KRT27: variants seen among roughly 807,000 people sequenced by gnomAD.
KRT27 encodes the protein keratin 27.
A neutral mutation model predicts 45.3 loss-of-function variants in KRT27; 30 were observed. That is an observed-to-expected ratio of 0.66 (90% CI 0.50 to 0.90). KRT27 has a LOEUF of 0.90. KRT27 is among the 40% of genes least tolerant of loss of function. The pLI, the probability that KRT27 is intolerant of heterozygous loss-of-function variation, is 0.00. For missense variants in KRT27, 610 were observed against 564.3 expected (o/e 1.08, Z -0.82); for synonymous variants, 204 against 223.9 (o/e 0.91, Z 0.79).
At chr17:40,782,012 C>G in intron 1 of KRT27, 38 bp downstream of exon 1, 1 of 1,561,128 alleles carries the variant, frequency 6.4e-7, no homozygotes, top group South Asian at 1.2e-5. Context: ...GCTAAACACT[C>G]TCAGGAGTGC....
In KRT27 at chr17:40,779,504, T is replaced by C. The variant is rs753929201; in HGVS notation, c.970A>G (p.Thr324Ala). The C allele has an allele frequency of 1.1e-5, 17 of 1,606,686 alleles. No homozygotes were observed. Among genetic ancestry groups the C allele is most frequent in the Non-Finnish European group, 5.1e-6 (6 of 1,176,350 alleles). The change falls in exon 5 of 8, where the codon ACG becomes GCG. Residue 324 changes from threonine to alanine, a missense_variant and splice_region_variant. By Grantham distance (58) the Thr-to-Ala change is moderately conservative. Coordinates refer to ENST00000301656, the MANE Select transcript of KRT27 (RefSeq NM_181537.4). ...LEIELQSLLATKHSLECSLTE... is the reference protein window; with the variant it reads ...LEIELQSLLAAKHSLECSLTE... ...CTGTTTTGTAACTTTTCGCTTACCG[T>C]TGCTAAGAGGGACTGAAGTTCAATC...
chr17:40,778,281 G>C (rs762362368), intron 5 of KRT27, among the ~76,000 whole-genome samples: 1 of 152,228 alleles, frequency 6.6e-6, no homozygotes, highest in Non-Finnish European at 1.5e-5. Flanking sequence ...TGGGTTTACA[G>C]ATATACTCAG....
In KRT27 at chr17:40,782,245, A is replaced by G. The variant is rs1212181185; in HGVS notation, c.249T>C (p.Asn83=). ...TGAGGTTCTGCATGGTCACCTTCTC[A>G]TTGCCAGAGAGGAGGCCGTGCTCAT... ...TGNEHGLLSG[N]EKVTMQNLND... is the part of the protein sequence containing the mutation. Residue 83 remains asparagine, a synonymous_variant, in exon 1 of 8, where the codon AAT becomes AAC. Coordinates refer to ENST00000301656, the MANE Select transcript of KRT27 (RefSeq NM_181537.4). 1 of 1,614,188 alleles carries G rather than the reference A, an allele frequency of 6.2e-7. No homozygotes were observed.
At position 40,776,833 on chromosome 17, in the gene KRT27, T is replaced by C; in HGVS notation, c.*166A>G. ...TGACTTGCAACAGGAAGAACTTTTA[T>C]TGAAACACCACCATAGAGAAAAAGC... On this transcript the variant is annotated 3_prime_UTR_variant, in exon 8 of 8. Transcript: ENST00000301656. 3.6e-6 allele frequency: 2 copies of C among 549,846 alleles called. No homozygotes were observed. The highest frequency in any genetic ancestry group is 4.2e-5 in the South Asian group (1 of 23,786). The allele number at this position is 549,846 out of a possible 1,614,324, so 34.1% of individuals were successfully genotyped here.
At chr17:40,777,843 T>C in intron 5 of KRT27, 111 bp from the exon 6 acceptor site, 1 of 1,086,250 alleles carries the variant, frequency 9.2e-7, no homozygotes, top group Non-Finnish European at 1.3e-6. Flanking sequence ...CAAATAATTA[T>C]ATTTACCCAA....
chr17:40,781,113 A>C, intron 2 of KRT27, 75 bp downstream of exon 2: 1 of 881,852 alleles, frequency 1.1e-6, no homozygotes, highest in East Asian at 2.6e-5. Context: ...AGACAACGTC[A>C]AATAACTTAG....
At chr17:40,777,200 C>T (rs2038273417) in intron 7 of KRT27, 53 bp downstream of exon 7, 1 of 1,609,246 alleles carries the variant, frequency 6.2e-7, no homozygotes, top group East Asian at 2.2e-5. Flanking sequence ...AATAAAACAT[C>T]ATTTGAAACA....
In KRT27 at chr17:40,782,373, T is replaced by G; in HGVS notation, c.121A>C (p.Ile41Leu). ...GAGNTCGVPG[I>L]GSGFSCAFGG... is the part of the protein sequence containing the mutation. ...AAAGCACAAGAGAAGCCACTTCCAA[T>G]GCCTGGCACACCGCATGTGTTTCCA... is the stretch of plus-strand genomic sequence containing the variant. The change falls in exon 1 of 8, where the codon ATT becomes CTT. Residue 41 changes from isoleucine to leucine, a missense_variant. Ile to Leu is a conservative substitution (Grantham distance 5). Transcript: ENST00000301656. 1 of 1,614,150 alleles carries G rather than the reference T, an allele frequency of 6.2e-7. No homozygotes were observed.
At position 40,781,176 on chromosome 17, in the gene KRT27, A is replaced by G. The variant is rs1281358991; in HGVS notation, c.527+12T>C. 7 of 1,575,434 alleles carry G rather than the reference A, an allele frequency of 4.4e-6. No homozygotes were observed. The South Asian group carries it at 8.2e-5, about 18-fold the overall frequency. ...CAACTTTTTTTTCCCATTTATCTTC[A>G]GCTCTACTTACTTTAGTCTGAAGTC... On this transcript the variant is annotated intron_variant, in intron 2 of 7. Coordinates refer to ENST00000301656, the MANE Select transcript of KRT27 (RefSeq NM_181537.4).
Position 40,777,282 on chromosome 17 carries a change from C to A in KRT27, c.1211G>T (p.Gly404Val), listed in dbSNP as rs1406889715. ...TGTTTGATTTCCTGGGCCTCCATAG[C>A]CTTTTGATTTAGAACAGGAGCTGTA... Reference protein sequence around the residue: ...GEDGSCSKSKGYGGPGNQTKD... With the variant: ...GEDGSCSKSKVYGGPGNQTKD... The change falls in exon 7 of 8, where the codon GGC becomes GTC. Residue 404 changes from glycine to valine, a missense_variant. Physicochemically the swap from Gly to Val is moderately radical, Grantham distance 109. Coordinates refer to ENST00000301656, the MANE Select transcript of KRT27 (RefSeq NM_181537.4). The A allele has an allele frequency of 2.5e-6, 4 of 1,613,710 alleles. No homozygotes were observed. Among genetic ancestry groups the A allele is most frequent in the Non-Finnish European group, 3.4e-6 (4 of 1,179,904 alleles).
intron 2 of KRT27, among the ~76,000 whole-genome samples, 182 bp downstream of exon 2, chr17:40,781,006 G>A (rs754913774): frequency 1.3e-5 from 2 of 152,044 alleles, no homozygotes; most frequent in African/African-American, 4.8e-5. Flanking sequence ...TGTTAGTCCC[G>A]AAATTTCCCA....
At chr17:40,779,004 C>T (rs1429022876) in intron 5 of KRT27, among the ~76,000 whole-genome samples, 2 of 152,124 alleles carry the variant, frequency 1.3e-5, no homozygotes, top group African/African-American at 4.8e-5. Flanking sequence ...AAATCCTCTC[C>T]TTGAACTATT....
At position 40,782,538 on chromosome 17, in the gene KRT27, T is replaced by G. The variant is rs746304158; in HGVS notation, c.-45A>C. The G allele has an allele frequency of 9.0e-6, 13 of 1,443,710 alleles. No homozygotes were observed. The East Asian group carries it at 3.2e-4, about 36-fold the overall frequency. 89.4% of individuals were successfully genotyped at this position (1,443,710 alleles called of 1,614,324 possible). On this transcript the variant is annotated 5_prime_UTR_variant, in exon 1 of 8. Coordinates refer to ENST00000301656, the MANE Select transcript of KRT27 (RefSeq NM_181537.4). ...CTTTGTTTCTGCGGTGATGCTCTGA[T>G]GGTGAACGGCCTACTCAAACAGCTT...
intron 3 of KRT27, 50 bp downstream of exon 3, chr17:40,780,248 TTA>T (rs2038298883): frequency 6.5e-7 from 1 of 1,528,682 alleles, no homozygotes; most frequent in South Asian, 1.3e-5. Context: ...GAAATTAGTT[TTA>T]AAATTTGGTA....
chr17:40,782,344 C>T lies in KRT27; in HGVS notation c.150G>A (p.Gly50=), dbSNP rs1453162455. 1 of 1,614,038 alleles carries T rather than the reference C, an allele frequency of 6.2e-7. No individual in the cohort carries two copies. The highest frequency in any genetic ancestry group is 1.3e-5 in the African/African-American group (1 of 74,914). ...GIGSGFSCAF[G]GSSSAGGYGG... is the part of the protein sequence containing the mutation. ...CATAGCCTCCTGCAGATGAGCTGCC[C>T]CCAAAAGCACAAGAGAAGCCACTTC... Residue 50 remains glycine, a synonymous_variant, in exon 1 of 8, where the codon GGG becomes GGA. Coordinates refer to ENST00000301656, the MANE Select transcript of KRT27 (RefSeq NM_181537.4).
At position 40,781,521 on chromosome 17, in the gene KRT27, C is replaced by T. The variant is rs1199901485; in HGVS notation, c.445-251G>A. Among the ~76,000 whole-genome samples, 3 of 152,210 alleles carry T rather than the reference C, an allele frequency of 2.0e-5. No individual in the cohort carries two copies. The East Asian group carries it at 5.8e-4, about 29-fold the overall frequency. On this transcript the variant is annotated intron_variant, in intron 1 of 7. Transcript: ENST00000301656. ...CTTGGCTCACTGCAACCTCCACCTCCCAGATTCAAGTGATTCTCCTGCCTC... is the reference window on the plus strand; with the variant it reads ...CTTGGCTCACTGCAACCTCCACCTCTCAGATTCAAGTGATTCTCCTGCCTC...
At position 40,777,560 on chromosome 17, in the gene KRT27, T is replaced by A; in HGVS notation, c.1145A>T (p.Glu382Val). 1.2e-6 allele frequency: 2 copies of A among 1,613,974 alleles called. No homozygotes were observed. The highest frequency in any genetic ancestry group is 1.7e-6 in the Non-Finnish European group (2 of 1,179,862). ...EQLLDIKVHL[E>V]KEIETYCLLI... is the part of the protein sequence containing the mutation. The stretch of plus-strand genomic sequence containing the variant: ...GAGGCAGTAGGTCTCAATTTCTTTT[T>A]CCAGGTGGACCTTGATGTCAAGGAG... The change falls in exon 6 of 8, where the codon GAA (glutamate) becomes GTA (valine). Residue 382 changes from glutamate to valine, a missense_variant. By Grantham distance (121) the Glu-to-Val change is moderately radical. Transcript: ENST00000301656.
chr17:40,777,408 G>C (rs2038275151), intron 6 of KRT27, 106 bp from the exon 7 acceptor site: 8 of 1,509,832 alleles, frequency 5.3e-6, no homozygotes, highest in African/African-American at 1.4e-5. Flanking sequence ...AACACTAAAA[G>C]AGTATTATCT....
chr17:40,781,591 G>A (rs530857982), intron 1 of KRT27, among the ~76,000 whole-genome samples: 26 of 152,254 alleles, frequency 1.7e-4, no homozygotes, highest in Admixed American at 1.4e-3. Flanking sequence ...CACCACGCTC[G>A]GCTAACTTTT....
Sources: gnomAD v4.1 joint callset for allele counts (sites outside exome capture counted in the v4.1 genomes callset) on GRCh38, gnomAD v4.1.1 for gene constraint, MANE v1.5 for transcripts, NCBI Gene and HGNC (gene_info 2026-07-23, HGNC 2026-07-21) for gene names.